Variants in IL27RA observed in about 807,000 individuals in gnomAD.
IL27RA encodes the protein interleukin 27 receptor subunit alpha.
In IL27RA, 61 loss-of-function variants were observed where a neutral mutation model predicts 80.8. That is an observed-to-expected ratio of 0.76 (90% CI 0.61 to 0.93). The LOEUF (loss-of-function observed/expected upper bound fraction) is 0.93. Among genes scored for constraint, IL27RA ranks in the 40% least tolerant of loss-of-function variants. The probability of loss-of-function intolerance (pLI) is 0.00; values close to 1 mark genes in which losing one functional copy is unlikely to be tolerated. For missense variants in IL27RA, 735 were observed against 808.1 expected (o/e 0.91, Z 1.10); for synonymous variants, 316 against 332.5 (o/e 0.95, Z 0.54).
intron 4 of IL27RA, among the ~76,000 whole-genome samples, chr19:14,041,338 C>T (rs1975986698): frequency 6.6e-6 from 1 of 152,054 alleles, no homozygotes; most frequent in African/African-American, 2.4e-5. Flanking sequence ...GGTGGGATTA[C>T]AGGCATGTGC....
chr19:14,043,343 G>T (rs1050981952), intron 6 of IL27RA, among the ~76,000 whole-genome samples: 2 of 152,064 alleles, frequency 1.3e-5, no homozygotes, highest in African/African-American at 4.8e-5. Context: ...CCGGGCAGGG[G>T]CAGCAGATGC....
rs1254468465 is a variant in IL27RA at position 14,031,852 on chromosome 19, T to G, written c.-21T>G. 1 of 1,575,352 alleles carries G rather than the reference T, an allele frequency of 6.3e-7. No homozygotes were observed. Among genetic ancestry groups the G allele is most frequent in the South Asian group, 1.1e-5 (1 of 86,974 alleles). ...CGGACCCGGCAAGGCTGGGCCGGAC[T>G]CGGGGCTCCCGAGGGACGCCATGCG... On this transcript the variant is annotated 5_prime_UTR_variant, in exon 1 of 14. Coordinates refer to ENST00000263379, the MANE Select transcript of IL27RA (RefSeq NM_004843.4).
intron 3 of IL27RA, 22 bp downstream of exon 3, chr19:14,039,687 CGCTCTATGCGGGGTGGGT>C (rs1411302022): frequency 6.2e-7 from 1 of 1,610,660 alleles, no homozygotes; most frequent in Non-Finnish European, 8.5e-7. Context: ...GGAGGGTGGG[CGCTCTATGCGGGGTGGGT>C]GCTCTTGGAG....
intron 12 of IL27RA, 45 bp downstream of exon 12, chr19:14,051,745 A>G: frequency 6.6e-7 from 1 of 1,503,952 alleles, no homozygotes; most frequent in Non-Finnish European, 9.2e-7. Flanking sequence ...TGGGGAAGGC[A>G]GCTGGGCATT....
At chr19:14,032,322 G>C in intron 1 of IL27RA, 64 bp from the exon 2 acceptor site, 2 of 1,246,264 alleles carry the variant, frequency 1.6e-6, no homozygotes, top group Non-Finnish European at 2.3e-6. Flanking sequence ...CCAAGTTCTG[G>C]GGTGTGCAGG....
Position 14,052,245 on chromosome 19 carries a change from G to T in IL27RA, c.1866G>T (p.Glu622Asp), listed in dbSNP as rs985477172. ...GYEKHFLPTPEELGLLGPPRP... is the reference protein window; with the variant it reads ...GYEKHFLPTPDELGLLGPPRP... ...AGAAGCACTTCCTGCCCACACCTGA[G>T]GAGCTGGGCCTTCTGGGGCCCCCCA... Residue 622 changes from glutamate to aspartate, a missense_variant, in exon 14 of 14, where the codon GAG becomes GAT. By Grantham distance (45) the Glu-to-Asp change is conservative (BLOSUM62 2). Transcript: ENST00000263379. The T allele has an allele frequency of 5.8e-6, 9 of 1,561,798 alleles. No homozygotes were observed. Among genetic ancestry groups the T allele is most frequent in the Non-Finnish European group, 6.9e-6 (8 of 1,156,626 alleles).
intron 4 of IL27RA, among the ~76,000 whole-genome samples, chr19:14,041,805 G>A (rs1191764006): frequency 6.6e-6 from 1 of 152,052 alleles, no homozygotes; most frequent in Non-Finnish European, 1.5e-5. Flanking sequence ...AGGCGCAGTA[G>A]CTCTAATCCC....
chr19:14,034,512 T>C (rs968409559), intron 2 of IL27RA, among the ~76,000 whole-genome samples: 1 of 149,840 alleles, frequency 6.7e-6, no homozygotes, highest in African/African-American at 2.5e-5. Flanking sequence ...ATACAAAAAT[T>C]AGCCAGGCGT....
rs550586258 is a variant in IL27RA at position 14,049,323 on chromosome 19, C to T, written c.1402+9C>T. On this transcript the variant is annotated intron_variant, in intron 10 of 13. Transcript: ENST00000263379. ...CTCCGTCTGCATGAATGGTGAGCTT[C>T]CCTGCCTGCTGACCTGTCCTCCCAG... 2 of 1,610,312 alleles carry T rather than the reference C, an allele frequency of 1.2e-6. No homozygotes were observed. Among genetic ancestry groups the T allele is most frequent in the Non-Finnish European group, 1.7e-6 (2 of 1,178,208 alleles).
At chr19:14,032,805 CAAAAAAAAAAAA>C (rs60328140) in intron 2 of IL27RA, among the ~76,000 whole-genome samples, 3 of 60,778 alleles carry the variant, frequency 4.9e-5, no homozygotes, top group East Asian at 4.6e-4. Context: ...GACTCTGTCT[CAAAAAAAAAAAA>C]AAAAAAAAAG....
chr19:14,052,160 C>G lies in IL27RA; in HGVS notation c.1781C>G (p.Pro594Arg). ...CTGGAAGTGGAGGAGATGGAGCCCC[C>G]GCCGGTTATGGAGTCCTCCCAGCCC... ...PILEVEEMEP[P>R]PVMESSQPAQ... The change falls in exon 14 of 14, where the codon CCG (proline) becomes CGG (arginine). Residue 594 changes from proline (P) to arginine (R), a missense_variant. Pro to Arg is a moderately radical substitution (Grantham distance 103). Coordinates refer to ENST00000263379, the MANE Select transcript of IL27RA (RefSeq NM_004843.4). The G allele has an allele frequency of 6.2e-7, 1 of 1,613,318 alleles. No homozygotes were observed. The highest frequency in any genetic ancestry group is 8.5e-7 in the Non-Finnish European group (1 of 1,179,752).
At chr19:14,041,884 G>A (rs1041476790) in intron 4 of IL27RA, among the ~76,000 whole-genome samples, 3 of 151,966 alleles carry the variant, frequency 2.0e-5, no homozygotes, top group Non-Finnish European at 4.4e-5. Flanking sequence ...TGGCCAAGAT[G>A]GTGAAACCCC....
chr19:14,033,093 C>CTT lies in IL27RA; in HGVS notation c.218+609_218+610dup, dbSNP rs1010935225. Among the ~76,000 whole-genome samples the CTT allele has an allele frequency of 6.8e-4, 80 of 117,164 alleles. 3 individuals carry two copies. The highest frequency in any genetic ancestry group is 2.5e-3 in the African/African-American group (71 of 28,854). 76.9% of individuals were successfully genotyped at this position (117,164 alleles called of 152,430 possible). On this transcript the variant is annotated intron_variant, in intron 2 of 13. Transcript: ENST00000263379. ...GTTCAGAGTTTTAGAGAGCCCGTCA[C>CTT]TTTTTTTTTTTTTTTTTTTTGAAAC...
Position 14,052,459 on chromosome 19 carries a change from T to G in IL27RA, c.*169T>G. On this transcript the variant is annotated 3_prime_UTR_variant, in exon 14 of 14. Coordinates refer to ENST00000263379, the MANE Select transcript of IL27RA (RefSeq NM_004843.4). ...GGCAGAGCTGGGATTGAAGGACCCC[T>G]ATAGAGAAGGGCTTGGCCCCCATGG... 1.9e-6 allele frequency: 1 copy of G among 517,704 alleles called. No homozygotes were observed. The allele number at this position is 517,704 out of a possible 1,614,324, so 32.1% of individuals were successfully genotyped here. A position where few individuals can be genotyped will look rare whatever the true frequency, so the allele number is the denominator to read the frequency against.
At position 14,049,106 on chromosome 19, in the gene IL27RA, G is replaced by T. The variant is rs747826576; in HGVS notation, c.1243+24G>T. The T allele has an allele frequency of 7.4e-6, 12 of 1,612,632 alleles. No individual in the cohort carries two copies. The South Asian group carries it at 1.3e-4, about 18-fold the overall frequency. ...AGGTAAGAGTGGGGCTGGAGGATGG[G>T]GGGGCTTCTGTAACCCAGGCCGACC... On this transcript the variant is annotated intron_variant, in intron 9 of 13. Transcript: ENST00000263379.
Position 14,052,242 on chromosome 19 carries a change from T to C in IL27RA, c.1863T>C (p.Pro621=), listed in dbSNP as rs753277445. The C allele has an allele frequency of 6.4e-7, 1 of 1,570,536 alleles. No homozygotes were observed. Among genetic ancestry groups the C allele is most frequent in the Non-Finnish European group, 8.6e-7 (1 of 1,160,192 alleles). ...SGYEKHFLPT[P]EELGLLGPPR... ...ATGAGAAGCACTTCCTGCCCACACC[T>C]GAGGAGCTGGGCCTTCTGGGGCCCC... Residue 621 remains proline (P), a synonymous_variant, in exon 14 of 14, where the codon CCT becomes CCC. Transcript: ENST00000263379.
intron 8 of IL27RA, among the ~76,000 whole-genome samples, chr19:14,047,657 C>CTTTT (rs757895872): frequency 9.2e-6 from 1 of 108,182 alleles, no homozygotes; most frequent in Non-Finnish European, 1.8e-5. Flanking sequence ...ATGCCTGGCC[C>CTTTT]TTTTTTTTTT....
Position 14,046,336 on chromosome 19 carries a change from G to A in IL27RA, c.951G>A (p.Leu317=). The part of the protein sequence containing the change: ...EPLTNLSLVC[L]DSASAPRSVA... ...TCACCAACCTCTCTTTGGTCTGCTT[G>A]GGTAAGAGACTGTGACCTTCCTCAG... is the stretch of plus-strand genomic sequence containing the variant. Residue 317 remains leucine, a splice_region_variant and synonymous_variant, in exon 7 of 14, where the codon TTG becomes TTA. Coordinates refer to ENST00000263379, the MANE Select transcript of IL27RA (RefSeq NM_004843.4). 6.2e-7 allele frequency: 1 copy of A among 1,613,614 alleles called. No homozygotes were observed. The highest frequency in any genetic ancestry group is 8.5e-7 in the Non-Finnish European group (1 of 1,179,712).
At chr19:14,049,410 C>A in intron 10 of IL27RA, 96 bp downstream of exon 10, 1 of 1,310,892 alleles carries the variant, frequency 7.6e-7, no homozygotes, top group Non-Finnish European at 1.0e-6. Flanking sequence ...CCTCTTTGGC[C>A]CAGGGACCAT....
Sources: allele counts gnomAD v4.1 joint callset (sites outside exome capture counted in the v4.1 genomes callset), GRCh38; gene constraint gnomAD v4.1.1; transcripts MANE v1.5; gene names NCBI Gene and HGNC (gene_info 2026-07-23, HGNC 2026-07-21).